WDPCP: variants seen among roughly 807,000 people sequenced by gnomAD.
The protein encoded by WDPCP is WD repeat containing planar cell polarity effector.
In WDPCP, 71 loss-of-function variants were observed where a neutral mutation model predicts 93.1. That is an observed-to-expected ratio of 0.76 (90% CI 0.63 to 0.93). The LOEUF is 0.93. Ranked by LOEUF, WDPCP falls within the 40% of genes least tolerant of loss-of-function variation. The pLI, the probability that WDPCP is intolerant of heterozygous loss-of-function variation, is 0.00. For missense variants in WDPCP, 844 were observed against 887.4 expected, an observed-to-expected ratio of 0.95 and a Z score of 0.62; for synonymous variants, 315 against 315.0, an observed-to-expected ratio of 1.00 and a Z score of 0.00.
chr2:63,705,327 T>C (rs1669131308), intron 2 of WDPCP, among the ~76,000 whole-genome samples: 1 of 152,242 alleles, frequency 6.6e-6, no homozygotes, highest in African/African-American at 2.4e-5. Context: ...TAGTTATTTC[T>C]TGCCTTCTGC....
At chr2:63,559,945 A>G (rs879718713) in intron 1 of WDPCP, among the ~76,000 whole-genome samples, 4 of 152,142 alleles carry the variant, frequency 2.6e-5, no homozygotes, top group Non-Finnish European at 5.9e-5. Flanking sequence ...TAAAATTCAT[A>G]TGGGGCCAGG....
intron 1 of WDPCP, among the ~76,000 whole-genome samples, chr2:63,537,359 T>C (rs1250638312): frequency 1.3e-5 from 2 of 152,202 alleles, no homozygotes; most frequent in Non-Finnish European, 2.9e-5. Context: ...TGCCTCTAAT[T>C]TGACTCTTTC....
intron 3 of WDPCP, among the ~76,000 whole-genome samples, chr2:63,614,978 C>G (rs1709657151): frequency 6.6e-6 from 1 of 152,226 alleles, no homozygotes; most frequent in Non-Finnish European, 1.5e-5. Flanking sequence ...TCACATAAAA[C>G]TTTGATAAAA....
At chr2:63,170,059 ATT>A (rs545470006) in intron 15 of WDPCP, among the ~76,000 whole-genome samples, 1 of 144,504 alleles carries the variant, frequency 6.9e-6, no homozygotes, top group Admixed American at 6.9e-5. Context: ...TGCCAGGCTA[ATT>A]TTTTTTTTTT....
At chr2:63,607,087 T>A in intron 3 of WDPCP, 1 of 1,208,858 alleles carries the variant, frequency 8.3e-7, no homozygotes, top group Non-Finnish European at 1.1e-6. Context: ...AAATTACTTG[T>A]GAAAAACAAC....
At chr2:63,595,626 A>T in intron 3 of WDPCP, 1 of 692,172 alleles carries the variant, frequency 1.4e-6, no homozygotes, top group East Asian at 2.7e-5. Flanking sequence ...TCATAAGAGG[A>T]TTTTTTTATT....
At chr2:63,541,799 G>C (rs1704755092) in intron 1 of WDPCP, among the ~76,000 whole-genome samples, 1 of 152,042 alleles carries the variant, frequency 6.6e-6, no homozygotes, top group Non-Finnish European at 1.5e-5. Flanking sequence ...TACATTTTCA[G>C]TCAGCATGTA....
intron 1 of WDPCP, among the ~76,000 whole-genome samples, chr2:63,514,969 T>C (rs545499588): frequency 1.3e-5 from 2 of 152,262 alleles, no homozygotes; most frequent in African/African-American, 4.8e-5. Context: ...GTAATTGGTT[T>C]TGGTGCCAAT....
chr2:63,356,171 A>C (rs1690006631), intron 12 of WDPCP, among the ~76,000 whole-genome samples: 1 of 152,168 alleles, frequency 6.6e-6, no homozygotes, highest in Non-Finnish European at 1.5e-5. Flanking sequence ...ATGATCAAAA[A>C]AGACAAAGAA....
At chr2:63,316,926 G>C (rs1686687418) in intron 12 of WDPCP, among the ~76,000 whole-genome samples, 1 of 152,178 alleles carries the variant, frequency 6.6e-6, no homozygotes, top group East Asian at 1.9e-4. Context: ...GCCAAATCAA[G>C]AATGCAATTC....
chr2:63,556,613 G>C (rs1706142386), intron 1 of WDPCP, among the ~76,000 whole-genome samples: 2 of 152,172 alleles, frequency 1.3e-5, no homozygotes, highest in Non-Finnish European at 2.9e-5. Context: ...TTGCTGAAGA[G>C]GTGTTGAAAT....
intron 17 of WDPCP, among the ~76,000 whole-genome samples, chr2:63,133,945 T>C (rs1180926554): frequency 2.6e-5 from 4 of 152,240 alleles, no homozygotes; most frequent in African/African-American, 9.6e-5. Flanking sequence ...GACCTTTGAC[T>C]GTTTTCCAGA....
chr2:63,428,185 CA>C (rs34685763), intron 9 of WDPCP, among the ~76,000 whole-genome samples: 48,133 of 139,640 alleles, frequency 0.34, 8,131 homozygotes, highest in East Asian at 0.66. Flanking sequence ...GAAACTATTC[CA>C]AAAAAAAAAA....
Position 63,649,501 on chromosome 2 carries a change from TATAAACAC to T in WDPCP, n.488+1150_488+1157del, listed in dbSNP as rs549148530. ...TGTTGGTTATTGTGAATAGTGATGC[TATAAACAC>T]ATTTGTGTACAAGATTTTGTGGGAA... On this transcript the variant is annotated intron_variant and non_coding_transcript_variant, in intron 3 of 4. Transcript: ENST00000467687. 1.9e-3 allele frequency among the ~76,000 whole-genome samples: 297 copies of T among 152,368 alleles called. 2 individuals carry two copies. Among genetic ancestry groups the T allele is most frequent in the African/African-American group, 6.6e-3 (273 of 41,582 alleles).
At chr2:63,306,196 G>A (rs1267270604) in intron 13 of WDPCP, among the ~76,000 whole-genome samples, 1 of 152,194 alleles carries the variant, frequency 6.6e-6, no homozygotes, top group Non-Finnish European at 1.5e-5. Flanking sequence ...CCAGGAAGAA[G>A]TTGAATACCT....
At chr2:63,243,784 A>G (rs1266496473) in intron 14 of WDPCP, among the ~76,000 whole-genome samples, 1 of 152,132 alleles carries the variant, frequency 6.6e-6, no homozygotes, top group Non-Finnish European at 1.5e-5. Flanking sequence ...CTTCAACAGC[A>G]CACTGACAGC....
intron 1 of WDPCP, among the ~76,000 whole-genome samples, chr2:63,567,177 G>A (rs1252780556): frequency 2.6e-5 from 4 of 152,134 alleles, no homozygotes; most frequent in Non-Finnish European, 5.9e-5. Context: ...TTAAATCTCT[G>A]GACATTGCTG....
At chr2:63,602,586 A>G (rs893770575) in intron 3 of WDPCP, among the ~76,000 whole-genome samples, 4 of 152,072 alleles carry the variant, frequency 2.6e-5, no homozygotes, top group East Asian at 1.9e-4. Context: ...GAATGATTCT[A>G]TGACATTTAA....
intron 14 of WDPCP, among the ~76,000 whole-genome samples, chr2:63,250,518 T>C (rs1680626404): frequency 6.6e-6 from 1 of 152,170 alleles, no homozygotes; most frequent in East Asian, 1.9e-4. Flanking sequence ...TTATTACTAT[T>C]TTAATGGCTA....
Sources: allele counts gnomAD v4.1 joint callset (sites outside exome capture counted in the v4.1 genomes callset), GRCh38; gene constraint gnomAD v4.1.1; transcripts MANE v1.5; gene names NCBI Gene and HGNC (gene_info 2026-07-23, HGNC 2026-07-21).